SDR16C5: variants seen among roughly 807,000 people sequenced by gnomAD.
SDR16C5 encodes the protein short chain dehydrogenase/reductase family 16C member 5.
Under a neutral mutation model 27.7 loss-of-function variants are expected in SDR16C5, and 20 were observed. The ratio of observed to expected loss-of-function variants is 0.72; its 90% CI spans 0.51 to 1.05. The LOEUF (loss-of-function observed/expected upper bound fraction) is 1.05. Ranked by LOEUF, SDR16C5 falls within the 50% of genes least tolerant of loss-of-function variation. The pLI, the probability that SDR16C5 is intolerant of heterozygous loss-of-function variation, is 0.00. For synonymous variants in SDR16C5, 139 were observed against 132.3 expected (o/e 1.05, Z -0.35); for missense variants, 374 against 366.3 (o/e 1.02, Z -0.17).
intron 6 of SDR16C5, among the ~76,000 whole-genome samples, chr8:56,301,883 G>A (rs1358741686): frequency 6.6e-6 from 1 of 152,052 alleles, no homozygotes; most frequent in African/African-American, 2.4e-5. Flanking sequence ...GTAGGCATGC[G>A]CTTTGGGGGC....
chr8:56,305,276 A>C (rs1814852200), intron 6 of SDR16C5, among the ~76,000 whole-genome samples: 1 of 152,214 alleles, frequency 6.6e-6, no homozygotes, highest in Non-Finnish European at 1.5e-5. Flanking sequence ...TTATTTTATC[A>C]TGAGCGCAAG....
In SDR16C5 at chr8:56,316,024, T is replaced by C. The variant is rs768057972; in HGVS notation, c.324A>G (p.Val108=). The C allele has an allele frequency of 1.2e-6, 2 of 1,608,464 alleles. No homozygotes were observed. Among genetic ancestry groups the C allele is most frequent in the Admixed American group, 1.7e-5 (1 of 59,762 alleles). ...DCSQKEGVYR[V]ADQVKKEVGD... ...AACACACAAGAGTTACCTGGTCGGCTACTCTATACACTCCTTCCTTTTGGC... is the reference window on the plus strand; with the variant it reads ...AACACACAAGAGTTACCTGGTCGGCCACTCTATACACTCCTTCCTTTTGGC... The change falls in exon 2 of 7, where the codon GTA becomes GTG. Residue 108 remains valine (V), a synonymous_variant. Coordinates refer to ENST00000303749, the MANE Select transcript of SDR16C5 (RefSeq NM_138969.4).
At chr8:56,310,894 T>C (rs575035198) in intron 3 of SDR16C5, among the ~76,000 whole-genome samples, 1 of 152,294 alleles carries the variant, frequency 6.6e-6, no homozygotes, top group East Asian at 1.9e-4. Flanking sequence ...CACTAAATTC[T>C]GAATCTTTCC....
intron 6 of SDR16C5, chr8:56,304,059 C>A (rs754929908): frequency 1.4e-6 from 1 of 702,968 alleles, no homozygotes; most frequent in Non-Finnish European, 2.6e-6. Flanking sequence ...GTCAGGCATT[C>A]TGACCCATCC....
intron 6 of SDR16C5, among the ~76,000 whole-genome samples, chr8:56,302,852 C>T (rs956259758): frequency 4.0e-5 from 6 of 151,702 alleles, no homozygotes; most frequent in Non-Finnish European, 5.9e-5. Flanking sequence ...CATAATGGTG[C>T]ACAACTATAG....
At chr8:56,304,280 TG>T (rs1316686816) in intron 6 of SDR16C5, among the ~76,000 whole-genome samples, 27 of 152,160 alleles carry the variant, frequency 1.8e-4, no homozygotes, top group Non-Finnish European at 2.9e-4. Context: ...CACATGGAGC[TG>T]GGGGAGAAGC....
intron 2 of SDR16C5, among the ~76,000 whole-genome samples, chr8:56,313,218 A>G (rs930428827): frequency 6.6e-6 from 1 of 152,220 alleles, no homozygotes; most frequent in Non-Finnish European, 1.5e-5. Flanking sequence ...TGTATGTGGC[A>G]TTTCATTTTA....
At chr8:56,305,176 A>C (rs1196506390) in intron 6 of SDR16C5, among the ~76,000 whole-genome samples, 3 of 152,186 alleles carry the variant, frequency 2.0e-5, no homozygotes, top group African/African-American at 7.2e-5. Context: ...CCCATACCAC[A>C]AATTTCTATA....
At position 56,308,839 on chromosome 8, in the gene SDR16C5, G is replaced by A. The variant is rs1256110620; in HGVS notation, c.565+89C>T. 4 of 846,692 alleles carry A rather than the reference G, an allele frequency of 4.7e-6. No individual in the cohort carries two copies. In the African/African-American group the frequency reaches 6.8e-5, roughly 14 times the overall value. The allele number at this position is 846,692 out of a possible 1,614,324, so 52.4% of individuals were successfully genotyped here. The stretch of plus-strand genomic sequence containing the variant: ...TTAGTTTATTATCCTTTATCTTAGG[G>A]CATCAAGTCAGTGCTAATTATTCAG... On this transcript the variant is annotated intron_variant, in intron 4 of 6. Coordinates refer to ENST00000303749, the MANE Select transcript of SDR16C5 (RefSeq NM_138969.4).
chr8:56,308,804 A>G (rs1056558440), intron 4 of SDR16C5, 124 bp downstream of exon 4: 1 of 626,798 alleles, frequency 1.6e-6, no homozygotes, highest in East Asian at 2.8e-5. Context: ...CCACTTATTG[A>G]CTATACTTTT....
At chr8:56,316,928 G>A (rs975776252) in intron 1 of SDR16C5, among the ~76,000 whole-genome samples, 4 of 152,230 alleles carry the variant, frequency 2.6e-5, no homozygotes, top group Admixed American at 6.5e-5. Flanking sequence ...GTAACCAGAT[G>A]TTCTAGACCT....
intron 1 of SDR16C5, among the ~76,000 whole-genome samples, chr8:56,317,909 A>T (rs1815240989): frequency 6.6e-6 from 1 of 152,160 alleles, no homozygotes; most frequent in Non-Finnish European, 1.5e-5. Flanking sequence ...GCCTCTCATA[A>T]TCTCTGTGCA....
At chr8:56,312,719 G>T (rs7832756) in intron 2 of SDR16C5, among the ~76,000 whole-genome samples, 88,340 of 150,076 alleles carry the variant, frequency 0.59, 25,992 homozygotes, top group Admixed American at 0.67. Context: ...AATAAATAAA[G>T]AAATAAATAC....
chr8:56,312,318 G>A, intron 2 of SDR16C5, 30 bp from the exon 3 acceptor site: 1 of 1,599,708 alleles, frequency 6.3e-7, no homozygotes, highest in South Asian at 1.1e-5. Context: ...CACCACCAAT[G>A]TAGTAATTCC....
intron 1 of SDR16C5, among the ~76,000 whole-genome samples, chr8:56,319,375 T>C (rs1311152311): frequency 2.6e-5 from 4 of 152,224 alleles, no homozygotes; most frequent in Non-Finnish European, 5.9e-5. Flanking sequence ...GTTAAGCATA[T>C]GAATTAATAA....
chr8:56,306,979 A>T (rs1247629102), intron 4 of SDR16C5, among the ~76,000 whole-genome samples, 159 bp from the exon 5 acceptor site: 1 of 152,174 alleles, frequency 6.6e-6, no homozygotes, highest in Admixed American at 6.5e-5. Flanking sequence ...GTGAGCAGGG[A>T]GTGGGAAGGG....
intron 1 of SDR16C5, 73 bp from the exon 2 acceptor site, chr8:56,316,434 C>T: frequency 1.1e-6 from 1 of 916,450 alleles, no homozygotes; most frequent in Non-Finnish European, 1.7e-6. Context: ...CACGGAGCTC[C>T]TATTTTCTGA....
chr8:56,306,601 T>A, intron 5 of SDR16C5, 75 bp downstream of exon 5: 2 of 1,341,470 alleles, frequency 1.5e-6, no homozygotes, highest in Non-Finnish European at 1.0e-6. Context: ...TTAAACAACT[T>A]AAAAAAAAGA....
At chr8:56,306,327 A>G (rs549588083) in intron 5 of SDR16C5, among the ~76,000 whole-genome samples, 1 of 152,200 alleles carries the variant, frequency 6.6e-6, no homozygotes, top group Non-Finnish European at 1.5e-5. Flanking sequence ...AGCTCCTTCT[A>G]TATGACCAAG....
Sources: allele counts gnomAD v4.1 joint callset (sites outside exome capture counted in the v4.1 genomes callset), GRCh38; gene constraint gnomAD v4.1.1; transcripts MANE v1.5; gene names NCBI Gene and HGNC (gene_info 2026-07-23, HGNC 2026-07-21).